The following ZNF658 variants were observed in gnomAD, a reference collection of about 807,000 sequenced individuals.
ZNF658 encodes the protein zinc finger protein 658.
Under a neutral mutation model 78.0 loss-of-function variants are expected in ZNF658, and 46 were observed. That is an observed-to-expected ratio of 0.59 (90% CI 0.47 to 0.75). The LOEUF (loss-of-function observed/expected upper bound fraction) is 0.75, where lower values mean the gene tolerates loss of function less well. Ranked by LOEUF, ZNF658 falls within the 30% of genes least tolerant of loss-of-function variation. The pLI is 0.00. For synonymous variants in ZNF658, 279 were observed against 408.4 expected, an observed-to-expected ratio of 0.68 and a Z score of 3.82; for missense variants, 785 against 1,189.3, an observed-to-expected ratio of 0.66 and a Z score of 5.00.
intron 4 of ZNF658, among the ~76,000 whole-genome samples, chr9:66,910,147 G>A (rs1171405759): frequency 2.0e-5 from 3 of 152,096 alleles, no homozygotes; most frequent in Non-Finnish European, 2.9e-5. Context: ...TACACTGGGG[G>A]TTAGGGCTTC....
At chr9:66,907,482 C>T (rs1221962559) in intron 2 of ZNF658, among the ~76,000 whole-genome samples, 1 of 151,934 alleles carries the variant, frequency 6.6e-6, no homozygotes, top group East Asian at 1.9e-4. Context: ...AACTCTGTGC[C>T]CTTGGACCAA....
chr9:66,904,876 G>T (rs1015435336), intron 2 of ZNF658, among the ~76,000 whole-genome samples: 15 of 151,734 alleles, frequency 9.9e-5, no homozygotes, highest in Non-Finnish European at 1.8e-4. Context: ...TTGGTTGACA[G>T]TCTTTGTTTC....
chr9:66,908,947 AT>A (rs1189189059), intron 4 of ZNF658, among the ~76,000 whole-genome samples: 8 of 152,150 alleles, frequency 5.3e-5, no homozygotes, highest in East Asian at 1.9e-4. Flanking sequence ...ATGTATAGAC[AT>A]TTTTTTCCTG....
chr9:66,910,466 T>C (rs1336862641), intron 4 of ZNF658, among the ~76,000 whole-genome samples: 1 of 151,492 alleles, frequency 6.6e-6, no homozygotes, highest in Non-Finnish European at 1.5e-5. Flanking sequence ...ATTGATTGTC[T>C]AAAAAGGATA....
At chr9:66,901,690 A>T in intron 1 of ZNF658, among the ~76,000 whole-genome samples, 1 of 152,232 alleles carries the variant, frequency 6.6e-6, no homozygotes. Context: ...CATGCCTGTA[A>T]TCCCAGCACT....
Position 66,918,769 on chromosome 9 carries a change from G to C in ZNF658, c.1203G>C (p.Gln401His). 2 of 1,613,914 alleles carry C rather than the reference G, an allele frequency of 1.2e-6. No homozygotes were observed. The highest frequency in any genetic ancestry group is 1.3e-5 in the African/African-American group (1 of 75,024). ...KSFYRKAHLI[Q>H]HQRPHSGEKT... ...TTTACCGGAAAGCACACCTCATTCAGCATCAGAGGCCCCACTCAGGAGAGA... is the reference window on the plus strand; with the variant it reads ...TTTACCGGAAAGCACACCTCATTCACCATCAGAGGCCCCACTCAGGAGAGA... The change falls in exon 5 of 5, where the codon CAG becomes CAC. Residue 401 changes from glutamine (Q) to histidine (H), a missense_variant. Gln to His is a conservative substitution (Grantham distance 24). Around this residue, in one of 12 missense-constraint regions of ZNF658, gnomAD observed 393 missense variants for 400.2 expected, o/e 0.98. Coordinates refer to ENST00000621410, the MANE Select transcript of ZNF658 (RefSeq NM_033160.7).
intron 2 of ZNF658, among the ~76,000 whole-genome samples, chr9:66,903,931 G>C (rs1356814475): frequency 6.6e-6 from 1 of 152,126 alleles, no homozygotes; most frequent in Non-Finnish European, 1.5e-5. Flanking sequence ...CTTCAAGTAG[G>C]TGACTTAGTT....
rs149730702 is a variant in ZNF658, at chr9:66,921,043, A to C, written c.*297A>C. On this transcript the variant is annotated 3_prime_UTR_variant, in exon 5 of 5. Transcript: ENST00000621410. ...GGGTCCTGTGTGTTCAAAACCATAGAGCACAAGGTCAAGGAAGCTAGAGTC... is the reference window on the plus strand; with the variant it reads ...GGGTCCTGTGTGTTCAAAACCATAGCGCACAAGGTCAAGGAAGCTAGAGTC... 1 of 421,116 alleles carries C rather than the reference A, an allele frequency of 2.4e-6. No individual in the cohort carries two copies. The highest frequency in any genetic ancestry group is 4.1e-5 in the East Asian group (1 of 24,220). The allele number at this position is 421,116 out of a possible 1,614,324, so 26.1% of individuals were successfully genotyped here.
intron 1 of ZNF658, among the ~76,000 whole-genome samples, chr9:66,901,878 G>A (rs1338261407): frequency 3.3e-5 from 5 of 152,098 alleles, no homozygotes; most frequent in South Asian, 2.1e-4. Flanking sequence ...CGAGGCGGAC[G>A]CTGCAGTGAG....
intron 1 of ZNF658, among the ~76,000 whole-genome samples, chr9:66,901,854 G>A (rs976118486): frequency 5.9e-5 from 9 of 152,054 alleles, no homozygotes; most frequent in African/African-American, 2.2e-4. Flanking sequence ...TGAGGCAGGA[G>A]AATCGCTCGA....
intron 4 of ZNF658, among the ~76,000 whole-genome samples, chr9:66,910,124 C>G (rs549235275): frequency 7.5e-4 from 114 of 152,214 alleles, no homozygotes; most frequent in African/African-American, 2.5e-3. Flanking sequence ...AAGGCCTTGT[C>G]TGCAAATACA....
intron 2 of ZNF658, among the ~76,000 whole-genome samples, chr9:66,904,943 A>T (rs1822037512): frequency 6.6e-6 from 1 of 151,554 alleles, no homozygotes; most frequent in African/African-American, 2.4e-5. Context: ...CTCATTATAA[A>T]TCAGCCTGTA....
At chr9:66,930,445 A>T (rs1421588472) in intron 6 of ZNF658, among the ~76,000 whole-genome samples, 1 of 146,200 alleles carries the variant, frequency 6.8e-6, no homozygotes, top group African/African-American at 2.5e-5. Flanking sequence ...GACTTGTCCA[A>T]CTCTGGATGA....
intron 4 of ZNF658, among the ~76,000 whole-genome samples, chr9:66,910,615 T>G (rs527826734): frequency 2.6e-4 from 40 of 152,162 alleles, no homozygotes; most frequent in African/African-American, 9.4e-4. Flanking sequence ...GAGACCATCC[T>G]GGCTAACACG....
In ZNF658 at chr9:66,920,847, A is replaced by G. The variant is rs1433072615; in HGVS notation, c.*101A>G. 3 of 666,962 alleles carry G rather than the reference A, an allele frequency of 4.5e-6. No homozygotes were observed. Among genetic ancestry groups the G allele is most frequent in the Non-Finnish European group, 5.4e-6 (2 of 369,316 alleles). The allele number at this position is 666,962 out of a possible 1,614,324, so 41.3% of individuals were successfully genotyped here. On this transcript the variant is annotated 3_prime_UTR_variant, in exon 5 of 5. Coordinates refer to ENST00000621410, the MANE Select transcript of ZNF658 (RefSeq NM_033160.7). ...CCATTTCCTTTTTCATTAGGCTCAT[A>G]GTTTGTGGAAAAATCCCAATATGCC...
At chr9:66,923,868 G>A (rs1336971487), downstream of ZNF658, among the ~76,000 whole-genome samples, 1 of 95,796 alleles carries the variant, frequency 1.0e-5, no homozygotes, top group African/African-American at 4.0e-5. Context: ...AAGAAATTTA[G>A]CCAGGCACGT....
intron 1 of ZNF658, among the ~76,000 whole-genome samples, chr9:66,901,932 ACT>A (rs1038364464): frequency 2.0e-5 from 3 of 152,046 alleles, no homozygotes; most frequent in African/African-American, 7.3e-5. Flanking sequence ...ACAGAGTGAG[ACT>A]CTGTCTCAAA....
chr9:66,910,976 C>T (rs1370826119), intron 4 of ZNF658, among the ~76,000 whole-genome samples: 1 of 151,264 alleles, frequency 6.6e-6, no homozygotes, highest in Non-Finnish European at 1.5e-5. Context: ...AATGACTGCA[C>T]CAAATAATAT....
Position 66,920,483 on chromosome 9 carries a change from A to G in ZNF658, c.2917A>G (p.Lys973Glu). ...EKSYECNDCGKTFSQKSHLSA... is the reference protein window; with the variant it reads ...EKSYECNDCGETFSQKSHLSA... ...ATCCTATGAATGTAATGATTGTGGG[A>G]AAACGTTCTCCCAGAAATCACACCT... The change falls in exon 5 of 5, where the codon AAA becomes GAA. Residue 973 changes from lysine (K) to glutamate (E), a missense_variant. Around this residue, in one of 12 missense-constraint regions of ZNF658, gnomAD observed 85 missense variants for 108.6 expected, o/e 0.78. Transcript: ENST00000621410. The G allele has an allele frequency of 1.3e-6, 2 of 1,597,640 alleles. No individual in the cohort carries two copies. Among genetic ancestry groups the G allele is most frequent in the East Asian group, 2.2e-5 (1 of 44,542 alleles).
Sources: allele counts gnomAD v4.1 joint callset (sites outside exome capture counted in the v4.1 genomes callset), GRCh38; gene constraint gnomAD v4.1.1; regional missense constraint gnomAD v4.1.1; transcripts MANE v1.5; gene names NCBI Gene and HGNC (gene_info 2026-07-23, HGNC 2026-07-21).